The following CACNA1C variants were observed in gnomAD, a reference collection of about 807,000 sequenced individuals.
CACNA1C encodes the protein calcium voltage-gated channel subunit alpha1 C.
A neutral mutation model predicts 229.0 loss-of-function variants in CACNA1C; 30 were observed. The ratio of observed to expected loss-of-function variants is 0.13; its 90% CI spans 0.10 to 0.18. The LOEUF is 0.18. CACNA1C is among the 10% of genes least tolerant of loss of function. The pLI, the probability that CACNA1C is intolerant of heterozygous loss-of-function variation, is 1.00. For missense variants in CACNA1C, 1,658 were observed against 2,845.0 expected (o/e 0.58, Z 9.49); for synonymous variants, 1,114 against 1,132.5 (o/e 0.98, Z 0.33).
chr12:2,340,131 C>T (rs1278472537), intron 3 of CACNA1C, among the ~76,000 whole-genome samples: 2 of 152,194 alleles, frequency 1.3e-5, no homozygotes, highest in Non-Finnish European at 2.9e-5. Context: ...GCTGTTTTCA[C>T]AGTTTCAGCA....
Position 2,679,019 on chromosome 12 carries a change from A to G in CACNA1C, c.5092-425A>G, listed in dbSNP as rs2096972978. ...GGGTTTCCATTTTTTAAATCTGGTT[A>G]GAATCTTCTGGTCGCTCTCCCAGCC... On this transcript the variant is annotated intron_variant, in intron 41 of 46. Coordinates refer to ENST00000399655, the MANE Select transcript of CACNA1C (RefSeq NM_000719.7). This position sits in a 1 kb window ranked among gnomAD's most constrained non-coding sequence, Gnocchi z 5.5. Among the ~76,000 whole-genome samples, 6 of 152,208 alleles carry G rather than the reference A, an allele frequency of 3.9e-5. No homozygotes were observed. Among genetic ancestry groups the G allele is most frequent in the Admixed American group, 3.9e-4 (6 of 15,290 alleles).
At chr12:2,330,043 A>C (rs1418280747) in intron 3 of CACNA1C, among the ~76,000 whole-genome samples, 2 of 152,266 alleles carry the variant, frequency 1.3e-5, no homozygotes, top group Non-Finnish European at 2.9e-5. Context: ...AGAAGGCCAC[A>C]GGAACTAAGA....
intron 3 of CACNA1C, among the ~76,000 whole-genome samples, chr12:2,393,061 A>G (rs1179908265): frequency 6.6e-6 from 1 of 152,144 alleles, no homozygotes; most frequent in Non-Finnish European, 1.5e-5. Context: ...CCCCTCAGCC[A>G]GACCTCACCC....
intron 3 of CACNA1C, among the ~76,000 whole-genome samples, chr12:2,438,237 G>A (rs2099166480): frequency 7.3e-6 from 1 of 137,082 alleles, no homozygotes; most frequent in African/African-American, 2.7e-5. Context: ...GTGATGGTGG[G>A]GATGGTGATG....
chr12:2,068,797 A>T (rs2060259724), intron 1 of CACNA1C, among the ~76,000 whole-genome samples: 1 of 152,174 alleles, frequency 6.6e-6, no homozygotes, highest in Non-Finnish European at 1.5e-5. Flanking sequence ...CCTTATTCTG[A>T]TGAACCTCAA....
intron 3 of CACNA1C, among the ~76,000 whole-genome samples, chr12:2,132,234 A>G (rs1469013990): frequency 4.9e-5 from 7 of 142,800 alleles, no homozygotes; most frequent in African/African-American, 1.8e-4. Context: ...TAGATATACA[A>G]TCATGTCATC....
chr12:2,047,482 G>T (rs1179040171), intron 1 of CACNA1C, among the ~76,000 whole-genome samples: 1 of 152,186 alleles, frequency 6.6e-6, no homozygotes, highest in Non-Finnish European at 1.5e-5. Context: ...GCAGAACCTG[G>T]CTCTGTGTCT....
intron 1 of CACNA1C, among the ~76,000 whole-genome samples, chr12:2,024,110 G>C (rs2046923484): frequency 1.3e-5 from 2 of 152,224 alleles, no homozygotes; most frequent in African/African-American, 4.8e-5. Flanking sequence ...TTGGCTCAAA[G>C]TGAACAGGCT....
At chr12:2,250,704 G>T (rs771304726) in intron 3 of CACNA1C, among the ~76,000 whole-genome samples, 1 of 152,206 alleles carries the variant, frequency 6.6e-6, no homozygotes, top group Non-Finnish European at 1.5e-5. Context: ...GGTGATGCCA[G>T]TGCTGTAGCC....
chr12:2,031,993 T>TTG (rs60474439), intron 1 of CACNA1C, among the ~76,000 whole-genome samples: 2,877 of 151,032 alleles, frequency 0.019, 56 homozygotes, highest in African/African-American at 0.045. Context: ...GTGAGTGTGT[T>TTG]TGTGTGTGTG....
intron 3 of CACNA1C, among the ~76,000 whole-genome samples, chr12:2,234,693 G>A (rs1028272594): frequency 2.0e-5 from 3 of 151,964 alleles, no homozygotes; most frequent in Non-Finnish European, 2.9e-5. Flanking sequence ...TATGAAATCC[G>A]GTTTAGAGAA....
At chr12:2,221,310 A>G (rs1279846837) in intron 3 of CACNA1C, among the ~76,000 whole-genome samples, 2 of 152,100 alleles carry the variant, frequency 1.3e-5, no homozygotes, top group African/African-American at 4.8e-5. Context: ...CTGCCTGTGG[A>G]TTAGAAAAGG....
chr12:2,608,688 G>C lies in CACNA1C; in HGVS notation c.3534G>C (p.Lys1178Asn). Residue 1178 changes from lysine to asparagine, a missense_variant, in exon 27 of 47, where the codon AAG becomes AAC. Lys to Asn is a moderately conservative substitution (Grantham distance 94, BLOSUM62 0). Around this residue, in one of 20 missense-constraint regions of CACNA1C, gnomAD observed 67 missense variants for 106.4 expected, o/e 0.63. Coordinates refer to ENST00000399655, the MANE Select transcript of CACNA1C (RefSeq NM_000719.7). The surrounding 1 kb of genome is among the most constrained non-coding windows in gnomAD (Gnocchi z 4.2). ...AGGAGCAGGGGGAGCAGGAGTACAA[G>C]AACTGTGAGCTGGACAAGAACCAGG... Reference protein sequence around the residue: ...TFQEQGEQEYKNCELDKNQRQ... With the variant: ...TFQEQGEQEYNNCELDKNQRQ... The C allele has an allele frequency of 6.2e-7, 1 of 1,614,150 alleles. No individual in the cohort carries two copies. Among genetic ancestry groups the C allele is most frequent in the South Asian group, 1.1e-5 (1 of 91,068 alleles).
intron 9 of CACNA1C, among the ~76,000 whole-genome samples, chr12:2,547,186 C>G (rs978232554): frequency 1.3e-5 from 2 of 152,200 alleles, no homozygotes; most frequent in Non-Finnish European, 2.9e-5. Flanking sequence ...TAGCCTCTCT[C>G]TCCTGGAGTA....
chr12:2,554,765 G>A (rs1341006613), intron 10 of CACNA1C, among the ~76,000 whole-genome samples: 3 of 152,174 alleles, frequency 2.0e-5, no homozygotes, highest in Admixed American at 6.5e-5. Context: ...GCGTTCAGAC[G>A]TCACAGAGTT....
intron 32 of CACNA1C, among the ~76,000 whole-genome samples, chr12:2,652,238 G>A (rs984563314): frequency 6.6e-5 from 10 of 152,166 alleles, no homozygotes; most frequent in Admixed American, 3.3e-4. Flanking sequence ...TCATGTCCTC[G>A]GCCAGAGTCG....
At chr12:2,229,089 G>C (rs761121886) in intron 3 of CACNA1C, among the ~76,000 whole-genome samples, 1 of 152,132 alleles carries the variant, frequency 6.6e-6, no homozygotes, top group Non-Finnish European at 1.5e-5. Flanking sequence ...CCAAGAGAAC[G>C]GTTGATTGGT....
intron 1 of CACNA1C, among the ~76,000 whole-genome samples, chr12:2,080,445 C>CA (rs2154050033): frequency 6.6e-6 from 1 of 150,962 alleles, no homozygotes; most frequent in South Asian, 2.1e-4. Flanking sequence ...ACTAAAAATA[C>CA]AAAAAATTAG....
At chr12:2,298,682 G>A (rs1374651641) in intron 3 of CACNA1C, among the ~76,000 whole-genome samples, 7 of 152,210 alleles carry the variant, frequency 4.6e-5, no homozygotes, top group South Asian at 2.1e-4. Context: ...AGTGGAGCCC[G>A]GAAGGCTTTC....
Sources: gnomAD v4.1 joint callset for allele counts (sites outside exome capture counted in the v4.1 genomes callset) on GRCh38, gnomAD v4.1.1 for gene constraint, gnomAD v4.1.1 regional missense constraint, Gnocchi (gnomAD v3.1) non-coding constraint, MANE v1.5 for transcripts, NCBI Gene and HGNC (gene_info 2026-07-23, HGNC 2026-07-21) for gene names.